The following SFMBT2 variants were observed in gnomAD, a reference collection of about 807,000 sequenced individuals.
SFMBT2 encodes the protein scm-like with four MBT domains protein 2.
SFMBT2 carries 38 observed loss-of-function variants against 110.1 expected under a neutral mutation model. That is an observed-to-expected ratio of 0.35 (90% CI 0.27 to 0.45). The LOEUF (loss-of-function observed/expected upper bound fraction) is 0.45. Among genes scored for constraint, SFMBT2 ranks in the 20% least tolerant of loss-of-function variants. SFMBT2 has a pLI of 1.00. For synonymous variants in SFMBT2, 425 were observed against 425.4 expected, an observed-to-expected ratio of 1.00 and a Z score of 0.01; for missense variants, 1,011 against 1,094.9, an observed-to-expected ratio of 0.92 and a Z score of 1.08.
chr10:7,163,576 C>G lies in SFMBT2; in HGVS notation c.*194G>C, dbSNP rs76253974. On this transcript the variant is annotated 3_prime_UTR_variant, in exon 21 of 21. Coordinates refer to ENST00000397167, the MANE Select transcript of SFMBT2 (RefSeq NM_001387889.1). The surrounding 1 kb of genome is among the most constrained non-coding windows in gnomAD (Gnocchi z 4.8). ...GACTTTAACTGGCACTCCCCAGAAGCGACTGCTGCTGTGCTTTGAAAACAT... is the reference window on the plus strand; with the variant it reads ...GACTTTAACTGGCACTCCCCAGAAGGGACTGCTGCTGTGCTTTGAAAACAT... The G allele has an allele frequency of 1.2e-5, 7 of 572,574 alleles. No individual in the cohort carries two copies. The highest frequency in any genetic ancestry group is 7.6e-5 in the African/African-American group (4 of 52,666). 35.5% of individuals were successfully genotyped at this position (572,574 alleles called of 1,614,324 possible).
chr10:7,344,973 A>AT (rs1321533699), intron 4 of SFMBT2, among the ~76,000 whole-genome samples: 2 of 151,348 alleles, frequency 1.3e-5, no homozygotes, highest in Non-Finnish European at 2.9e-5. Context: ...AAAAAAAAAA[A>AT]AAAAAAAGAG....
chr10:7,366,431 C>CAAAAAAA (rs890894030), intron 4 of SFMBT2, among the ~76,000 whole-genome samples: 1 of 63,280 alleles, frequency 1.6e-5, no homozygotes, highest in African/African-American at 5.5e-5. Context: ...TATATCATAA[C>CAAAAAAA]AAAAAAAAAA....
chr10:7,257,547 C>T (rs12764190), intron 7 of SFMBT2, among the ~76,000 whole-genome samples: 32,003 of 152,160 alleles, frequency 0.21, 3,994 homozygotes, highest in South Asian at 0.38. Flanking sequence ...ACAGTATACA[C>T]GTGGCTGTGA....
intron 4 of SFMBT2, among the ~76,000 whole-genome samples, chr10:7,355,916 A>G (rs576055161): frequency 6.6e-6 from 1 of 152,240 alleles, no homozygotes; most frequent in African/African-American, 2.4e-5. Flanking sequence ...GAACTATTGC[A>G]AAGTGATTCT....
intron 4 of SFMBT2, among the ~76,000 whole-genome samples, chr10:7,337,173 A>G (rs1430432855): frequency 6.6e-6 from 1 of 152,242 alleles, no homozygotes; most frequent in Non-Finnish European, 1.5e-5. Flanking sequence ...GAAAGCTTAC[A>G]AGGATGCAAA....
intron 15 of SFMBT2, among the ~76,000 whole-genome samples, chr10:7,190,976 G>A (rs1022987332): frequency 2.0e-5 from 3 of 152,146 alleles, no homozygotes; most frequent in African/African-American, 7.2e-5. Flanking sequence ...GGTTTTATAA[G>A]GAGTTCCCCT....
intron 7 of SFMBT2, among the ~76,000 whole-genome samples, chr10:7,273,992 C>T (rs1841686527): frequency 6.6e-6 from 1 of 152,160 alleles, no homozygotes; most frequent in African/African-American, 2.4e-5. Context: ...ATGTTTATTG[C>T]AGCACTATTC....
intron 4 of SFMBT2, among the ~76,000 whole-genome samples, chr10:7,291,508 C>T (rs1426830635): frequency 6.6e-6 from 1 of 152,146 alleles, no homozygotes; most frequent in Non-Finnish European, 1.5e-5. Flanking sequence ...GGTTCTCCTC[C>T]CCTATTCCCC....
rs148221260 is a variant in SFMBT2, at chr10:7,172,535, C to T, written c.2111G>A (p.Arg704Gln). 1.1e-5 allele frequency: 17 copies of T among 1,614,184 alleles called. No homozygotes were observed. Among genetic ancestry groups the T allele is most frequent in the Middle Eastern group, 3.3e-4 (2 of 6,058 alleles). Residue 704 changes from arginine to glutamine, a missense_variant, in exon 18 of 21, where the codon CGG (arginine) becomes CAG (glutamine). Arg to Gln is a conservative substitution (Grantham distance 43, BLOSUM62 1). Transcript: ENST00000397167. The surrounding 1 kb of genome is among the most constrained non-coding windows in gnomAD (Gnocchi z 4.6). ...GGTGAAGTCCACGGCAGAAGACCTC[C>T]GTTTCTTCTGCACGAAAATGGATTT... The part of the protein sequence containing the change: ...RRKSIFVQKK[R>Q]RSSAVDFTAG...
intron 4 of SFMBT2, among the ~76,000 whole-genome samples, chr10:7,333,126 C>A (rs1021380462): frequency 6.6e-6 from 1 of 152,172 alleles, no homozygotes; most frequent in Non-Finnish European, 1.5e-5. Context: ...CCTGGCCTCC[C>A]AAAGTGCTGG....
At chr10:7,176,903 T>C (rs956108754) in intron 16 of SFMBT2, among the ~76,000 whole-genome samples, 3 of 151,936 alleles carry the variant, frequency 2.0e-5, no homozygotes, top group Admixed American at 6.6e-5. Flanking sequence ...GGTGGATGAG[T>C]GGCAGTTAAA....
chr10:7,272,009 T>A (rs74320231), intron 7 of SFMBT2, among the ~76,000 whole-genome samples: 1 of 151,892 alleles, frequency 6.6e-6, no homozygotes. Flanking sequence ...CATATCAAGG[T>A]ACAAAGGGCG....
intron 7 of SFMBT2, among the ~76,000 whole-genome samples, chr10:7,250,567 T>C (rs1840773591): frequency 6.6e-6 from 1 of 152,212 alleles, no homozygotes; most frequent in Admixed American, 6.5e-5. Context: ...TTGTGTCTTT[T>C]TGATAGAATG....
intron 4 of SFMBT2, among the ~76,000 whole-genome samples, chr10:7,351,876 A>ATAT (rs1336880483): frequency 6.8e-6 from 1 of 146,554 alleles, no homozygotes; most frequent in African/African-American, 2.7e-5. Flanking sequence ...CCTGTAAAAA[A>ATAT]AAAAATATAT....
At chr10:7,202,440 T>A (rs996573009) in intron 13 of SFMBT2, 40 bp downstream of exon 13, 18 of 1,613,300 alleles carry the variant, frequency 1.1e-5, no homozygotes, top group Admixed American at 1.0e-4. Context: ...CTACAGTTTA[T>A]CGGTATACAG....
chr10:7,180,481 C>T (rs1382745637), intron 16 of SFMBT2, among the ~76,000 whole-genome samples: 1 of 152,040 alleles, frequency 6.6e-6, no homozygotes, highest in South Asian at 2.1e-4. Context: ...CCTGCCCTTC[C>T]CAGAAGGGCC....
At chr10:7,268,363 T>A (rs1001800101) in intron 7 of SFMBT2, among the ~76,000 whole-genome samples, 8 of 152,146 alleles carry the variant, frequency 5.3e-5, no homozygotes, top group Non-Finnish European at 1.2e-4. Flanking sequence ...TTCCTAGTAG[T>A]CCTTCGCAAA....
At chr10:7,260,392 G>A (rs1841156055) in intron 7 of SFMBT2, among the ~76,000 whole-genome samples, 1 of 152,136 alleles carries the variant, frequency 6.6e-6, no homozygotes, top group Non-Finnish European at 1.5e-5. Flanking sequence ...AAATGGCCTC[G>A]GTTCTTTTCA....
At chr10:7,346,816 C>CA (rs34063872) in intron 4 of SFMBT2, among the ~76,000 whole-genome samples, 8,956 of 59,790 alleles carry the variant, frequency 0.15, 883 homozygotes, top group African/African-American at 0.36. Context: ...ATTAAAGATA[C>CA]AAAAAAAAAA....
Sources: allele counts gnomAD v4.1 joint callset (sites outside exome capture counted in the v4.1 genomes callset), GRCh38; gene constraint gnomAD v4.1.1; non-coding constraint Gnocchi (gnomAD v3.1); transcripts MANE v1.5; gene names NCBI Gene and HGNC (gene_info 2026-07-23, HGNC 2026-07-21).